Variants in TENM2 observed in about 807,000 individuals in gnomAD.
TENM2 encodes teneurin-2.
A neutral mutation model predicts 245.2 loss-of-function variants in TENM2; 52 were observed. The ratio of observed to expected loss-of-function variants is 0.21; its 90% CI spans 0.17 to 0.27. TENM2 has a LOEUF of 0.27. TENM2 is among the 10% of genes least tolerant of loss of function. The probability of loss-of-function intolerance (pLI) is 1.00; values close to 1 mark genes in which losing one functional copy is unlikely to be tolerated. For missense variants in TENM2, 3,046 were observed against 3,666.8 expected (o/e 0.83, Z 4.37); for synonymous variants, 1,363 against 1,438.9 (o/e 0.95, Z 1.19).
intron 2 of TENM2, among the ~76,000 whole-genome samples, chr5:167,552,891 T>C (rs1445747244): frequency 3.3e-5 from 5 of 151,398 alleles, no homozygotes; most frequent in African/African-American, 9.7e-5. Context: ...GACACTATGA[T>C]AGGTGCTGAT....
Position 168,262,004 on chromosome 5 carries a change from G to T in TENM2, c.7564-45G>T, listed in dbSNP as rs563742195. On this transcript the variant is annotated intron_variant, in intron 28 of 28. Transcript: ENST00000518659. ...CTTTGTGACTCTTTTTGAGAGAGCT[G>T]CCCAGCTCATCTTCTCAGCTTTCTC... is the stretch of plus-strand genomic sequence containing the variant. 2.3e-5 allele frequency: 37 copies of T among 1,582,552 alleles called. No individual in the cohort carries two copies. The Middle Eastern group carries it at 8.5e-4, about 36-fold the overall frequency.
intron 2 of TENM2, among the ~76,000 whole-genome samples, chr5:167,415,400 ATTAAC>A (rs1338606066): frequency 6.6e-6 from 1 of 152,166 alleles, no homozygotes; most frequent in African/African-American, 2.4e-5. Flanking sequence ...TTCATAATAA[ATTAAC>A]TTATTACTCT....
At chr5:167,569,611 A>C (rs1476113423) in intron 2 of TENM2, among the ~76,000 whole-genome samples, 1 of 152,124 alleles carries the variant, frequency 6.6e-6, no homozygotes, top group East Asian at 1.9e-4. Context: ...TTGTCTGTAA[A>C]ATGGTTCCAG....
At chr5:167,740,470 A>G (rs1417044262) in intron 2 of TENM2, among the ~76,000 whole-genome samples, 1 of 152,044 alleles carries the variant, frequency 6.6e-6, no homozygotes, top group African/African-American at 2.4e-5. Flanking sequence ...ACTTCCCTTC[A>G]ATTTCCCTTT....
chr5:168,058,863 T>G (rs932639093), intron 6 of TENM2, among the ~76,000 whole-genome samples: 1 of 152,170 alleles, frequency 6.6e-6, no homozygotes, highest in African/African-American at 2.4e-5. Flanking sequence ...ATCTCTCTTT[T>G]GTGTGCTTCT....
the TENM2 span, among the ~76,000 whole-genome samples, chr5:167,153,240 G>A: frequency 1.3e-5 from 2 of 151,744 alleles, no homozygotes; most frequent in South Asian, 2.1e-4. Context: ...TGCCTGTTGT[G>A]AACCAGAAAC....
intron 25 of TENM2, among the ~76,000 whole-genome samples, chr5:168,238,665 T>C (rs575725804): frequency 2.3e-4 from 35 of 152,348 alleles, no homozygotes; most frequent in African/African-American, 8.2e-4. Context: ...CAGGGCCGTT[T>C]TGAAGACAGC....
intron 2 of TENM2, among the ~76,000 whole-genome samples, chr5:167,713,789 G>A (rs1759071727): frequency 6.6e-6 from 1 of 152,168 alleles, no homozygotes; most frequent in South Asian, 2.1e-4. Flanking sequence ...ACGTAGACCT[G>A]ATGCCCTTTT....
chr5:167,721,069 CCTAT>C (rs1367526299), intron 2 of TENM2, among the ~76,000 whole-genome samples: 9 of 152,156 alleles, frequency 5.9e-5, no homozygotes, highest in Non-Finnish European at 1.2e-4. Context: ...AAACTTATAT[CCTAT>C]CTCTCTTTTG....
chr5:167,484,156 C>A (rs1321127535), intron 2 of TENM2, among the ~76,000 whole-genome samples: 1 of 152,064 alleles, frequency 6.6e-6, no homozygotes, highest in Non-Finnish European at 1.5e-5. Context: ...ACCAGCCTGA[C>A]CAATATGGTG....
In TENM2 at chr5:167,684,592, AAG is replaced by A. The variant is rs1490728389; in HGVS notation, c.503-191390_503-191389del. Among the ~76,000 whole-genome samples the A allele has an allele frequency of 2.0e-5, 3 of 152,222 alleles. No individual in the cohort carries two copies. The East Asian group carries it at 5.8e-4, about 29-fold the overall frequency. On this transcript the variant is annotated intron_variant, in intron 2 of 28. Coordinates refer to ENST00000518659, the Ensembl canonical transcript of TENM2. ...TTTCCACATTGCTAGATGGGAAACA[AAG>A]AGATAATTTAGTTAAAACATTTTGT...
chr5:167,574,332 A>C (rs1774493429), intron 2 of TENM2, among the ~76,000 whole-genome samples: 1 of 152,226 alleles, frequency 6.6e-6, no homozygotes, highest in South Asian at 2.1e-4. Flanking sequence ...TAAACAGCTA[A>C]CGGAAAGAAA....
intron 2 of TENM2, among the ~76,000 whole-genome samples, chr5:167,412,858 T>A (rs547748355): frequency 6.9e-6 from 1 of 144,530 alleles, no homozygotes; most frequent in African/African-American, 2.5e-5. Context: ...GTGCAGAGTC[T>A]GAAAATATGT....
intron 2 of TENM2, among the ~76,000 whole-genome samples, chr5:167,684,662 A>T (rs1025142161): frequency 2.0e-5 from 3 of 152,172 alleles, no homozygotes; most frequent in African/African-American, 7.2e-5. Flanking sequence ...AGGGTACTAA[A>T]TTATTTCCTT....
the TENM2 span, among the ~76,000 whole-genome samples, chr5:167,214,054 C>T: frequency 6.6e-6 from 1 of 152,170 alleles, no homozygotes; most frequent in Non-Finnish European, 1.5e-5. Context: ...TGTCGATCAA[C>T]ATGGGAAGAA....
intron 27 of TENM2, among the ~76,000 whole-genome samples, chr5:168,251,734 G>A (rs1767131082): frequency 2.0e-5 from 3 of 152,326 alleles, no homozygotes; most frequent in Admixed American, 1.3e-4. Context: ...GGAACACAAA[G>A]AACAGAACCT....
the TENM2 span, among the ~76,000 whole-genome samples, chr5:167,274,391 TTAAC>T: frequency 2.0e-5 from 3 of 152,266 alleles, no homozygotes; most frequent in African/African-American, 7.2e-5. Flanking sequence ...CATAGTTTGT[TTAAC>T]TAGTCACCCA....
intron 9 of TENM2, among the ~76,000 whole-genome samples, chr5:168,118,027 G>A (rs1254167871): frequency 1.3e-5 from 2 of 152,312 alleles, no homozygotes; most frequent in Non-Finnish European, 2.9e-5. Context: ...GGGTGATTAC[G>A]ATGATGAAGT....
chr5:168,182,475 T>C (rs1381854270), intron 13 of TENM2, among the ~76,000 whole-genome samples: 2 of 152,176 alleles, frequency 1.3e-5, no homozygotes, highest in Non-Finnish European at 2.9e-5. Flanking sequence ...ATTCTATAGA[T>C]TGGAAAACTG....
Sources: gnomAD v4.1 joint callset for allele counts (sites outside exome capture counted in the v4.1 genomes callset) on GRCh38, gnomAD v4.1.1 for gene constraint, MANE v1.5 for transcripts, NCBI Gene and HGNC (gene_info 2026-07-23, HGNC 2026-07-21) for gene names.